KCNT2: variants seen among roughly 807,000 people sequenced by gnomAD.
The protein encoded by KCNT2 is potassium sodium-activated channel subfamily T member 2.
Under a neutral mutation model 153.8 loss-of-function variants are expected in KCNT2, and 67 were observed. That is an observed-to-expected ratio of 0.44 (90% CI 0.36 to 0.53). KCNT2 has a LOEUF of 0.53. KCNT2 is among the 20% of genes least tolerant of loss of function. The pLI is 0.00. For synonymous variants in KCNT2, 500 were observed against 458.8 expected (o/e 1.09, Z -1.15); for missense variants, 975 against 1,354.8 (o/e 0.72, Z 4.40).
intron 19 of KCNT2, among the ~76,000 whole-genome samples, chr1:196,325,638 C>A (rs1165929606): frequency 6.6e-6 from 1 of 152,052 alleles, no homozygotes; most frequent in African/African-American, 2.4e-5. Context: ...GAAATTTGGT[C>A]CAAGTTTCTG....
At chr1:196,318,022 A>G (rs927426218) in intron 20 of KCNT2, among the ~76,000 whole-genome samples, 1 of 151,444 alleles carries the variant, frequency 6.6e-6, no homozygotes, top group African/African-American at 2.4e-5. Flanking sequence ...TAGGCTGCCA[A>G]CTTATTCTTA....
intron 13 of KCNT2, among the ~76,000 whole-genome samples, chr1:196,376,176 C>T (rs1204632806): frequency 6.6e-6 from 1 of 151,848 alleles, no homozygotes; most frequent in East Asian, 1.9e-4. Context: ...TCAAATTCCC[C>T]TCTCTTTCTT....
chr1:196,253,321 G>C (rs1656156974), intron 26 of KCNT2, among the ~76,000 whole-genome samples: 1 of 151,124 alleles, frequency 6.6e-6, no homozygotes, highest in Non-Finnish European at 1.5e-5. Context: ...AGTTTTTTCT[G>C]TGGTAGGTAT....
At chr1:196,391,817 C>T (rs1280711354) in intron 13 of KCNT2, among the ~76,000 whole-genome samples, 2 of 151,284 alleles carry the variant, frequency 1.3e-5, no homozygotes, top group Admixed American at 6.6e-5. Flanking sequence ...GTATATAGAA[C>T]TCTTTGCACT....
chr1:196,373,323 T>G, intron 13 of KCNT2, 75 bp from the exon 14 acceptor site: 2 of 719,212 alleles, frequency 2.8e-6, no homozygotes, highest in Non-Finnish European at 5.0e-6. Flanking sequence ...TAAAACAAAA[T>G]GAATAAAATG....
At chr1:196,350,380 A>G (rs1361180520) in intron 14 of KCNT2, among the ~76,000 whole-genome samples, 3 of 151,918 alleles carry the variant, frequency 2.0e-5, no homozygotes, top group African/African-American at 7.3e-5. Context: ...TGTTTCCTTA[A>G]TTTTTAACGA....
intron 21 of KCNT2, among the ~76,000 whole-genome samples, chr1:196,312,672 T>C (rs2181948): frequency 0.45 from 67,915 of 151,650 alleles, 17,781 homozygotes; most frequent in East Asian, 0.7. Flanking sequence ...TGTACTTCTA[T>C]CAAAGTCTTA....
chr1:196,582,715 C>T (rs1662211133), intron 1 of KCNT2, among the ~76,000 whole-genome samples: 1 of 152,036 alleles, frequency 6.6e-6, no homozygotes, highest in Non-Finnish European at 1.5e-5. Context: ...GAATTATTCT[C>T]TCACCACCAA....
At chr1:196,249,165 A>G (rs1655726720) in intron 26 of KCNT2, among the ~76,000 whole-genome samples, 1 of 152,160 alleles carries the variant, frequency 6.6e-6, no homozygotes, top group African/African-American at 2.4e-5. Context: ...AACACAATAA[A>G]ACCATAACAA....
At chr1:196,416,208 C>G (rs545747009) in intron 12 of KCNT2, among the ~76,000 whole-genome samples, 1 of 152,054 alleles carries the variant, frequency 6.6e-6, no homozygotes, top group African/African-American at 2.4e-5. Context: ...TCAAGTGGCC[C>G]TTATTTTACT....
chr1:196,253,110 A>T (rs1022477661), intron 26 of KCNT2, among the ~76,000 whole-genome samples: 1 of 151,312 alleles, frequency 6.6e-6, no homozygotes, highest in Non-Finnish European at 1.5e-5. Flanking sequence ...TTCTCATCGA[A>T]TCTGAAAAAA....
At chr1:196,336,555 TTTC>T (rs1435791098) in intron 16 of KCNT2, among the ~76,000 whole-genome samples, 1 of 152,160 alleles carries the variant, frequency 6.6e-6, no homozygotes, top group Non-Finnish European at 1.5e-5. Context: ...TACAAATCCA[TTTC>T]TTTTCTCCGT....
At chr1:196,606,068 AG>A (rs1386449565) in intron 1 of KCNT2, among the ~76,000 whole-genome samples, 1 of 152,214 alleles carries the variant, frequency 6.6e-6, no homozygotes, top group Non-Finnish European at 1.5e-5. Context: ...AGTTTGTCTG[AG>A]GATTAACTAA....
intron 14 of KCNT2, among the ~76,000 whole-genome samples, chr1:196,343,471 A>T (rs762493178): frequency 1.3e-5 from 2 of 152,212 alleles, no homozygotes; most frequent in Non-Finnish European, 2.9e-5. Context: ...ATAATTTATC[A>T]TAATCTCTAA....
chr1:196,473,400 A>G (rs1005221371), intron 5 of KCNT2, among the ~76,000 whole-genome samples: 3 of 152,160 alleles, frequency 2.0e-5, no homozygotes, highest in African/African-American at 2.4e-5. Flanking sequence ...TCAGGATTGC[A>G]TGCTCTACTC....
chr1:196,522,453 C>G (rs901385142), intron 1 of KCNT2, among the ~76,000 whole-genome samples: 2 of 152,146 alleles, frequency 1.3e-5, no homozygotes, highest in African/African-American at 2.4e-5. Flanking sequence ...GTCATTAAAC[C>G]TTACATTTTT....
chr1:196,558,933 A>ATGTCT (rs1659037750), intron 1 of KCNT2, among the ~76,000 whole-genome samples: 1 of 151,534 alleles, frequency 6.6e-6, no homozygotes, highest in Non-Finnish European at 1.5e-5. Flanking sequence ...TAAACAAGTA[A>ATGTCT]TATCTTAATA....
intron 13 of KCNT2, among the ~76,000 whole-genome samples, chr1:196,387,444 T>C (rs1301169053): frequency 6.6e-6 from 1 of 151,974 alleles, no homozygotes; most frequent in East Asian, 1.9e-4. Flanking sequence ...ATCTATCATA[T>C]CTGTATGTCC....
chr1:196,358,813 C>T (rs1667384417), intron 14 of KCNT2, among the ~76,000 whole-genome samples: 1 of 151,928 alleles, frequency 6.6e-6, no homozygotes. Context: ...TTTCTCTCAT[C>T]TCATCCTGCA....
Sources: allele counts gnomAD v4.1 joint callset (sites outside exome capture counted in the v4.1 genomes callset), GRCh38; gene constraint gnomAD v4.1.1; transcripts MANE v1.5; gene names NCBI Gene and HGNC (gene_info 2026-07-23, HGNC 2026-07-21).